The following VAMP2 variants were observed in gnomAD, a reference collection of about 807,000 sequenced individuals.
The protein encoded by VAMP2 is vesicle associated membrane protein 2, also known as vesicle-associated membrane protein 2.
For missense variants in VAMP2, 95 were observed against 151.3 expected, an observed-to-expected ratio of 0.63 and a Z score of 1.95; for synonymous variants, 67 against 57.3, an observed-to-expected ratio of 1.17 and a Z score of -0.76.
In VAMP2 at chr17:8,162,858, G is replaced by A. The variant is rs960577750; in HGVS notation, c.2+20C>T. 3.3e-6 allele frequency: 4 copies of A among 1,213,956 alleles called. No individual in the cohort carries two copies. The African/African-American group carries it at 4.7e-5, about 14-fold the overall frequency. The allele number at this position is 1,213,956 out of a possible 1,614,324, so 75.2% of individuals were successfully genotyped here. A position where few individuals can be genotyped will look rare whatever the true frequency, so the allele number is the denominator to read the frequency against. On this transcript the variant is annotated intron_variant, in intron 1 of 4. Transcript: ENST00000316509. ...GCCGGCGCAGGGAAGCGCGGTGAGG[G>A]TGGCGGGCGGCCGACTCACATGGCG...
At chr17:8,160,903 G>A (rs767805914) in intron 4 of VAMP2, 32 bp from the exon 5 acceptor site, 3 of 1,569,890 alleles carry the variant, frequency 1.9e-6, no homozygotes, top group Admixed American at 3.4e-5. Context: ...ATGAGGAAGA[G>A]GGAGAGGGGA....
chr17:8,162,515 C>CA, intron 1 of VAMP2, 146 bp from the exon 2 acceptor site: 1 of 1,527,804 alleles, frequency 6.5e-7, no homozygotes, highest in South Asian at 1.2e-5. Flanking sequence ...GGTCTCGGTC[C>CA]AGCCCTGCCG....
In VAMP2 at chr17:8,160,597, G is replaced by C; in HGVS notation, c.*258C>G. ...GGAAAGGGAAGGAAGGCAAGAGAGA[G>C]GGGTGAAGGGAACCTCAGGAAGGGG... On this transcript the variant is annotated 3_prime_UTR_variant, in exon 5 of 5. Coordinates refer to ENST00000316509, the MANE Select transcript of VAMP2 (RefSeq NM_014232.3). 4.0e-6 allele frequency: 1 copy of C among 252,264 alleles called. No individual in the cohort carries two copies. Among genetic ancestry groups the C allele is most frequent in the Non-Finnish European group, 7.4e-6 (1 of 135,788 alleles). The allele number at this position is 252,264 out of a possible 1,614,324, so 15.6% of individuals were successfully genotyped here.
chr17:8,161,412 C>G (rs1983307585), intron 4 of VAMP2, 61 bp downstream of exon 4: 1 of 1,598,596 alleles, frequency 6.3e-7, no homozygotes, highest in East Asian at 2.2e-5. Flanking sequence ...CCTTCAAAAC[C>G]TAGAATCCAC....
At position 8,160,886 on chromosome 17, in the gene VAMP2, G is replaced by T. The variant is rs185693983; in HGVS notation, c.335-15C>A. The T allele has an allele frequency of 2.5e-4, 404 of 1,605,776 alleles. No homozygotes were observed. The East Asian group carries it at 7.5e-3, about 30-fold the overall frequency. The stretch of plus-strand genomic sequence containing the variant: ...GCTGAAGTAAACTGTGGAGAGAGGG[G>T]AAGAAGATGAGGAAGAGGGAGAGGG... On this transcript the variant is annotated splice_polypyrimidine_tract_variant and intron_variant, in intron 4 of 4. Transcript: ENST00000316509.
In VAMP2 at chr17:8,160,680, TATA is replaced by T. The variant is rs1983281098; in HGVS notation, c.*172_*174del. ...TAAAACTACAAACAGACCAAATATA[TATA>T]ATATTATATATGTATAAATAACAGC... On this transcript the variant is annotated 3_prime_UTR_variant, in exon 5 of 5. Coordinates refer to ENST00000316509, the MANE Select transcript of VAMP2 (RefSeq NM_014232.3). 1 of 394,382 alleles carries T rather than the reference TATA, an allele frequency of 2.5e-6. No homozygotes were observed. Among genetic ancestry groups the T allele is most frequent in the African/African-American group, 2.1e-5 (1 of 47,406 alleles). 24.4% of individuals were successfully genotyped at this position (394,382 alleles called of 1,614,324 possible).
chr17:8,162,212 G>C (rs370374568), intron 2 of VAMP2, 37 bp downstream of exon 2: 30 of 1,502,616 alleles, frequency 2.0e-5, no homozygotes, highest in Non-Finnish European at 2.6e-5. Flanking sequence ...CAACCCCCAG[G>C]GTCCCTCCTA....
At position 8,159,254 on chromosome 17, in the gene VAMP2, T is replaced by TG. The variant is rs1255984736; in HGVS notation, c.*1600dup. ...GGGGGCAGGGGACACTGGGATAATA[T>TG]GGGGGGTCTAAAACACAGCACCCCC... On this transcript the variant is annotated 3_prime_UTR_variant, in exon 5 of 5. Coordinates refer to ENST00000316509, the MANE Select transcript of VAMP2 (RefSeq NM_014232.3). The TG allele has an allele frequency of 6.6e-6, 1 of 150,878 alleles. No homozygotes were observed. The highest frequency in any genetic ancestry group is 1.5e-5 in the Non-Finnish European group (1 of 67,712). 9.3% of individuals were successfully genotyped at this position (150,878 alleles called of 1,614,324 possible).
intron 3 of VAMP2, 21 bp downstream of exon 3, chr17:8,161,587 C>G (rs1983315077): frequency 6.2e-7 from 1 of 1,613,800 alleles, no homozygotes; most frequent in African/African-American, 1.3e-5. Context: ...CACCTGTCCT[C>G]CTTCCTGTCC....
Position 8,159,454 on chromosome 17 carries a change from C to T in VAMP2, c.*1401G>A, listed in dbSNP as rs1220481436. On this transcript the variant is annotated 3_prime_UTR_variant, in exon 5 of 5. Transcript: ENST00000316509. ...GTGCCATTTAAAAAGACAATAGACC[C>T]TTCCTCAATCAGTTCACCCAATGAG... 1 of 152,614 alleles carries T rather than the reference C, an allele frequency of 6.6e-6. No homozygotes were observed. Among genetic ancestry groups the T allele is most frequent in the Non-Finnish European group, 1.5e-5 (1 of 68,036 alleles). The allele number at this position is 152,614 out of a possible 1,614,324, so 9.5% of individuals were successfully genotyped here.
chr17:8,161,822 C>T, intron 2 of VAMP2, 56 bp from the exon 3 acceptor site: 2 of 1,586,050 alleles, frequency 1.3e-6, no homozygotes, highest in Non-Finnish European at 1.7e-6. Context: ...TCAGTGAGGG[C>T]AATCCTCAAA....
intron 4 of VAMP2, 145 bp downstream of exon 4, chr17:8,161,328 G>C: frequency 8.5e-7 from 1 of 1,182,486 alleles, no homozygotes; most frequent in East Asian, 2.6e-5. Context: ...CAAAGTTTTT[G>C]GCTCTAGATG....
rs987219719 is a variant in VAMP2 at position 8,162,334 on chromosome 17, G to A, written c.38C>T (p.Pro13Leu). 6.2e-7 allele frequency: 1 copy of A among 1,605,380 alleles called. No individual in the cohort carries two copies. Among genetic ancestry groups the A allele is most frequent in the African/African-American group, 1.3e-5 (1 of 74,300 alleles). Residue 13 changes from proline to leucine, a missense_variant, in exon 2 of 5, where the codon CCG becomes CTG. Transcript: ENST00000316509. Reference sequence around the variant, plus strand: ...TGCAGGGGGACCACCCTCCCCAGCCGGGGCAGCAGGGGGGGCCGTGGCAGC... The same window carrying A: ...TGCAGGGGGACCACCCTCCCCAGCCAGGGCAGCAGGGGGGGCCGTGGCAGC... The part of the protein sequence containing the change: ...ATAATAPPAA[P>L]AGEGGPPAPP...
chr17:8,159,650 G>A lies in VAMP2; in HGVS notation c.*1205C>T, dbSNP rs554772322. 2.0e-4 allele frequency: 30 copies of A among 152,750 alleles called. No homozygotes were observed. The highest frequency in any genetic ancestry group is 6.7e-4 in the African/African-American group (28 of 41,556). The allele number at this position is 152,750 out of a possible 1,614,324, so 9.5% of individuals were successfully genotyped here. ...AACACCCCCCAAATTGGGGAGGAGG[G>A]TTTTCAGTCCAACCCCCAGCAGGGG... On this transcript the variant is annotated 3_prime_UTR_variant, in exon 5 of 5. Coordinates refer to ENST00000316509, the MANE Select transcript of VAMP2 (RefSeq NM_014232.3).
chr17:8,161,492 G>T lies in VAMP2; in HGVS notation c.315C>A (p.Ile105=), dbSNP rs750686969. 2 of 1,614,192 alleles carry T rather than the reference G, an allele frequency of 1.2e-6. No individual in the cohort carries two copies. The highest frequency in any genetic ancestry group is 3.3e-5 in the Admixed American group (2 of 60,022). Residue 105 remains isoleucine (I), a synonymous_variant, in exon 4 of 5, where the codon ATC becomes ATA. Coordinates refer to ENST00000316509, the MANE Select transcript of VAMP2 (RefSeq NM_014232.3). ...ACTCACCTATGATGATGATGAGGAT[G>T]ATGGCGCAAATCACTCCCAAGATGA... ...MMIILGVICA[I]ILIIIIVYFS...
chr17:8,161,543 G>T lies in VAMP2; in HGVS notation c.283-19C>A. On this transcript the variant is annotated intron_variant, in intron 3 of 4. Coordinates refer to ENST00000316509, the MANE Select transcript of VAMP2 (RefSeq NM_014232.3). ...TCATCATCTGGGGGTGAGAGGCGAG[G>T]ATCAGTAAGACAAACTATGATACCC... 6.2e-7 allele frequency: 1 copy of T among 1,614,110 alleles called. No individual in the cohort carries two copies.
Position 8,160,919 on chromosome 17 carries a change from A to G in VAMP2, c.335-48T>C, listed in dbSNP as rs536242543. 4.6e-6 allele frequency: 7 copies of G among 1,538,184 alleles called. No individual in the cohort carries two copies. In the South Asian group the frequency reaches 7.9e-5, roughly 17 times the overall value. ...TGAGGAAGAGGGAGAGGGGAGAGAAAGAGAGAGAACAAGAAAGCAGTGTGT... is the reference window on the plus strand; with the variant it reads ...TGAGGAAGAGGGAGAGGGGAGAGAAGGAGAGAGAACAAGAAAGCAGTGTGT... On this transcript the variant is annotated intron_variant, in intron 4 of 4. Coordinates refer to ENST00000316509, the MANE Select transcript of VAMP2 (RefSeq NM_014232.3).
chr17:8,161,179 C>T lies in VAMP2; in HGVS notation c.334+294G>A, dbSNP rs748902079. ...CATGTCTCAAGCCCCTGGTCCTTTC[C>T]TTTCTCCCACTCCTCAATTCCAGGG... On this transcript the variant is annotated intron_variant, in intron 4 of 4. Transcript: ENST00000316509. 1.6e-5 allele frequency: 9 copies of T among 567,978 alleles called. No homozygotes were observed. The South Asian group carries it at 2.0e-4, about 13-fold the overall frequency. 35.2% of individuals were successfully genotyped at this position (567,978 alleles called of 1,614,324 possible). A position where few individuals can be genotyped will look rare whatever the true frequency, so the allele number is the denominator to read the frequency against.
chr17:8,161,419 C>A, intron 4 of VAMP2, 54 bp downstream of exon 4: 3 of 1,605,568 alleles, frequency 1.9e-6, no homozygotes, highest in Non-Finnish European at 2.6e-6. Flanking sequence ...AACCTAGAAT[C>A]CACTGGGGAA....
Sources: allele counts gnomAD v4.1 joint callset, GRCh38; gene constraint gnomAD v4.1.1; transcripts MANE v1.5; gene names NCBI Gene and HGNC (gene_info 2026-07-23, HGNC 2026-07-21).